Variants in DLG4 observed in about 807,000 individuals in gnomAD.
DLG4 encodes the protein discs large MAGUK scaffold protein 4.
A neutral mutation model predicts 93.8 loss-of-function variants in DLG4; 7 were observed. That is an observed-to-expected ratio of 0.07 (90% CI 0.04 to 0.14). The LOEUF (loss-of-function observed/expected upper bound fraction) is 0.14. Among genes scored for constraint, DLG4 ranks in the 10% least tolerant of loss-of-function variants. The probability of loss-of-function intolerance (pLI) is 1.00; values close to 1 mark genes in which losing one functional copy is unlikely to be tolerated. For synonymous variants in DLG4, 341 were observed against 387.6 expected (o/e 0.88, Z 1.41); for missense variants, 545 against 992.9 (o/e 0.55, Z 6.06).
intron 17 of DLG4, 53 bp from the exon 18 acceptor site, chr17:7,192,055 A>G: frequency 1.9e-6 from 2 of 1,074,390 alleles, no homozygotes; most frequent in Non-Finnish European, 2.6e-6. Flanking sequence ...GAGAAAGGAC[A>G]GAGAGCAGTG....
chr17:7,196,135 A>G lies in DLG4; in HGVS notation c.1301+85T>C. The G allele has an allele frequency of 4.0e-6, 4 of 996,740 alleles. No individual in the cohort carries two copies. The highest frequency in any genetic ancestry group is 6.0e-6 in the Non-Finnish European group (4 of 667,992). The allele number at this position is 996,740 out of a possible 1,614,324, so 61.7% of individuals were successfully genotyped here. A position where few individuals can be genotyped will look rare whatever the true frequency, so the allele number is the denominator to read the frequency against. On this transcript the variant is annotated intron_variant, in intron 11 of 19. Coordinates refer to ENST00000399506, the MANE Select transcript of DLG4 (RefSeq NM_001321075.3). The surrounding 1 kb of genome is among the most constrained non-coding windows in gnomAD (Gnocchi z 8.3). ...GGGAGCTAGAGCAGGCAGGGTGGAG[A>G]AGAGGAGCGGCTGAGGCCCGGGCCA...
chr17:7,198,931 G>C (rs1027014615), intron 8 of DLG4, among the ~76,000 whole-genome samples: 13 of 151,704 alleles, frequency 8.6e-5, no homozygotes, highest in Non-Finnish European at 1.3e-4. Flanking sequence ...TGGGAGGATC[G>C]CTTGAGCCCA....
Position 7,217,548 on chromosome 17 carries a change from CGGGGGAGTGGGGTG to C in DLG4, c.-415_-402del. The C allele has an allele frequency of 5.5e-6, 1 of 183,426 alleles. No individual in the cohort carries two copies. Among genetic ancestry groups the C allele is most frequent in the Non-Finnish European group, 6.2e-6 (1 of 161,242 alleles). The allele number at this position is 183,426 out of a possible 1,614,324, so 11.4% of individuals were successfully genotyped here. On this transcript the variant is annotated 5_prime_UTR_variant, in exon 1 of 20. Coordinates refer to ENST00000399506, the MANE Select transcript of DLG4 (RefSeq NM_001321075.3). ...AACGGCCAGGGGCTAGGGGCCGTGG[CGGGGGAGTGGGGTG>C]GGGGGGTTGGAAACGGCAGCGGCCG...
chr17:7,216,581 T>C (rs1023220272), intron 1 of DLG4, among the ~76,000 whole-genome samples: 4 of 152,086 alleles, frequency 2.6e-5, no homozygotes, highest in African/African-American at 4.8e-5. Flanking sequence ...CATCCCTAAA[T>C]GCAGCCACCA....
At chr17:7,219,430 A>T (rs1159664418), upstream of DLG4, 14 of 1,017,080 alleles carry the variant, frequency 1.4e-5, no homozygotes, top group Non-Finnish European at 1.6e-5. Flanking sequence ...CTGTTCCAAG[A>T]GTTAGTGAAT....
rs181618535 is a variant in DLG4 at position 7,208,476 on chromosome 17, T to C, written c.31-237A>G. Among the ~76,000 whole-genome samples the C allele has an allele frequency of 4.0e-5, 6 of 151,606 alleles. No homozygotes were observed. Among genetic ancestry groups the C allele is most frequent in the Non-Finnish European group, 7.4e-5 (5 of 67,862 alleles). On this transcript the variant is annotated intron_variant, in intron 1 of 19. Coordinates refer to ENST00000399506, the MANE Select transcript of DLG4 (RefSeq NM_001321075.3). The surrounding 1 kb of genome is among the most constrained non-coding windows in gnomAD (Gnocchi z 5.4). ...CATCAATCCCCAGGTCCCAATCCCA[T>C]CCCCCAACTCCTACTCCTCACATCC...
chr17:7,211,715 G>A (rs991539041), intron 1 of DLG4: 2 of 893,238 alleles, frequency 2.2e-6, no homozygotes, highest in Non-Finnish European at 2.7e-6. Context: ...AGGGGAGGGG[G>A]ACTGAGGGAA....
At chr17:7,220,021 C>G, upstream of DLG4, 1 of 1,605,362 alleles carries the variant, frequency 6.2e-7, no homozygotes. Flanking sequence ...CTTGGGGCGG[C>G]AGCTGCTGAG....
intron 2 of DLG4, among the ~76,000 whole-genome samples, chr17:7,207,801 C>T (rs1336245909): frequency 2.7e-5 from 4 of 150,452 alleles, no homozygotes; most frequent in African/African-American, 1.0e-4. Flanking sequence ...ACACAGCACA[C>T]GCGCACAGGC....
chr17:7,204,468 C>T lies in DLG4; in HGVS notation c.97-216G>A, dbSNP rs1380068836. The T allele has an allele frequency of 5.7e-6, 3 of 525,198 alleles. No homozygotes were observed. The African/African-American group carries it at 5.8e-5, about 10-fold the overall frequency. 32.5% of individuals were successfully genotyped at this position (525,198 alleles called of 1,614,324 possible). On this transcript the variant is annotated intron_variant, in intron 2 of 19. Coordinates refer to ENST00000399506, the MANE Select transcript of DLG4 (RefSeq NM_001321075.3). ...GCACACACACGCACAGATGCACACG[C>T]GCAAGGATCTAACTCTGCCCAGCCC...
At chr17:7,213,892 T>G (rs988631911) in intron 1 of DLG4, 10 of 470,754 alleles carry the variant, frequency 2.1e-5, no homozygotes, top group African/African-American at 2.0e-4. Context: ...TAGGAAGGCT[T>G]GGATCACCAG....
chr17:7,217,623 G>A lies in DLG4; in HGVS notation c.-476C>T. ...GGAGCCGAAGAGGGAAGGGGAGAGA[G>A]GAGGAGAGAGGAAGCAGGGGGAGGG... is the stretch of plus-strand genomic sequence containing the variant. On this transcript the variant is annotated 5_prime_UTR_variant, in exon 1 of 20. Coordinates refer to ENST00000399506, the MANE Select transcript of DLG4 (RefSeq NM_001321075.3). 2 of 1,416,806 alleles carry A rather than the reference G, an allele frequency of 1.4e-6. No individual in the cohort carries two copies. Among genetic ancestry groups the A allele is most frequent in the Non-Finnish European group, 1.9e-6 (2 of 1,067,726 alleles). 87.8% of individuals were successfully genotyped at this position (1,416,806 alleles called of 1,614,324 possible).
intron 1 of DLG4, among the ~76,000 whole-genome samples, chr17:7,212,359 A>G (rs1597493296): frequency 6.6e-6 from 1 of 152,190 alleles, no homozygotes; most frequent in East Asian, 1.9e-4. Flanking sequence ...GGCCCCCCAA[A>G]TTAATATATG....
chr17:7,208,742 C>T lies in DLG4; in HGVS notation c.31-503G>A, dbSNP rs2070592172. ...CTCCTACTCTGCATGGCATCCTCCC[C>T]GCGCCCCACCTCCATGGCCTCAGTC... On this transcript the variant is annotated intron_variant, in intron 1 of 19. Coordinates refer to ENST00000399506, the MANE Select transcript of DLG4 (RefSeq NM_001321075.3). This position sits in a 1 kb window ranked among gnomAD's most constrained non-coding sequence, Gnocchi z 5.4. Among the ~76,000 whole-genome samples, 1 of 152,020 alleles carries T rather than the reference C, an allele frequency of 6.6e-6. No homozygotes were observed. Among genetic ancestry groups the T allele is most frequent in the Non-Finnish European group, 1.5e-5 (1 of 68,000 alleles).
chr17:7,213,398 C>A (rs1247379974), intron 1 of DLG4, among the ~76,000 whole-genome samples: 1 of 152,100 alleles, frequency 6.6e-6, no homozygotes, highest in African/African-American at 2.4e-5. Flanking sequence ...CCGCACCCGG[C>A]ACCTCCTCTC....
chr17:7,192,532 G>T (rs1002682624), intron 17 of DLG4: 1 of 231,196 alleles, frequency 4.3e-6, no homozygotes, highest in Non-Finnish European at 8.5e-6. Flanking sequence ...GAAAGGAAAG[G>T]AGTTAGCAGA....
At position 7,193,472 on chromosome 17, in the gene DLG4, C is replaced by G. The variant is rs1049152144; in HGVS notation, c.1693+11G>C. 7.2e-6 allele frequency: 11 copies of G among 1,527,296 alleles called. No homozygotes were observed. Among genetic ancestry groups the G allele is most frequent in the Admixed American group, 2.3e-5 (1 of 43,700 alleles). The allele number at this position is 1,527,296 out of a possible 1,614,324, so 94.6% of individuals were successfully genotyped here. On this transcript the variant is annotated intron_variant, in intron 16 of 19. Coordinates refer to ENST00000399506, the MANE Select transcript of DLG4 (RefSeq NM_001321075.3). This position sits in a 1 kb window ranked among gnomAD's most constrained non-coding sequence, Gnocchi z 6.7. ...TCCACCTTCTCCTCCATCCAAGGCC[C>G]CAGCACTCACGGGGAACACAGGATC...
chr17:7,205,208 G>T, intron 2 of DLG4: 1 of 976,712 alleles, frequency 1.0e-6, no homozygotes, highest in Non-Finnish European at 1.2e-6. Flanking sequence ...AAAGACATCC[G>T]GGTCCTATCC....
rs917950790 is a variant in DLG4, at chr17:7,195,920, A to G, written c.1301+300T>C. ...TACCCTAGAGGACCCTGCTTCACCA[A>G]GCATTAACCTTCGAGACGCCAAATT... On this transcript the variant is annotated intron_variant, in intron 11 of 19. Transcript: ENST00000399506. This position sits in a 1 kb window ranked among gnomAD's most constrained non-coding sequence, Gnocchi z 4.3. 2.6e-5 allele frequency among the ~76,000 whole-genome samples: 4 copies of G among 152,226 alleles called. No homozygotes were observed. The highest frequency in any genetic ancestry group is 4.8e-5 in the African/African-American group (2 of 41,464).
Sources: gnomAD v4.1 joint callset for allele counts (sites outside exome capture counted in the v4.1 genomes callset) on GRCh38, gnomAD v4.1.1 for gene constraint, Gnocchi (gnomAD v3.1) non-coding constraint, MANE v1.5 for transcripts, NCBI Gene and HGNC (gene_info 2026-07-23, HGNC 2026-07-21) for gene names.